The following TM2D1 variants were observed in gnomAD, a reference collection of about 807,000 sequenced individuals.
TM2D1 encodes TM2 domain containing 1.
In TM2D1, 15 loss-of-function variants were observed where a neutral mutation model predicts 28.4. The ratio of observed to expected loss-of-function variants is 0.53; its 90% CI spans 0.35 to 0.81. The LOEUF (loss-of-function observed/expected upper bound fraction) is 0.81, where lower values mean the gene tolerates loss of function less well. Among genes scored for constraint, TM2D1 ranks in the 40% least tolerant of loss-of-function variants. The pLI, the probability that TM2D1 is intolerant of heterozygous loss-of-function variation, is 0.01. For missense variants in TM2D1, 236 were observed against 254.9 expected (o/e 0.93, Z 0.50); for synonymous variants, 93 against 96.2 (o/e 0.97, Z 0.20).
chr1:61,700,480 C>G (rs981118610), intron 4 of TM2D1, among the ~76,000 whole-genome samples: 14 of 152,178 alleles, frequency 9.2e-5, no homozygotes, highest in African/African-American at 3.4e-4. Flanking sequence ...AGGCTCCCAC[C>G]CCAGCTCAAG....
At chr1:61,696,884 A>G (rs1644366961) in intron 4 of TM2D1, among the ~76,000 whole-genome samples, 1 of 152,048 alleles carries the variant, frequency 6.6e-6, no homozygotes, top group Admixed American at 6.6e-5. Flanking sequence ...TTGGCCTCCC[A>G]AAATGCTTCG....
At chr1:61,702,826 C>T (rs1362970664) in intron 3 of TM2D1, among the ~76,000 whole-genome samples, 1 of 151,438 alleles carries the variant, frequency 6.6e-6, no homozygotes, top group Admixed American at 6.6e-5. Flanking sequence ...AACAATGGGG[C>T]CAGCTGTGGT....
At chr1:61,724,848 G>A in intron 1 of TM2D1, 109 bp downstream of exon 1, 3 of 1,222,470 alleles carry the variant, frequency 2.5e-6, no homozygotes, top group Non-Finnish European at 3.3e-6. Flanking sequence ...CCACAGATCA[G>A]ATTATCGTTT....
intron 4 of TM2D1, chr1:61,698,727 T>C (rs1288684761): frequency 6.9e-6 from 1 of 145,152 alleles, no homozygotes; most frequent in South Asian, 2.2e-4. Context: ...GTAAGGTTAG[T>C]TGTAAAATGG....
intron 3 of TM2D1, among the ~76,000 whole-genome samples, chr1:61,706,954 G>A (rs1361530055): frequency 6.6e-6 from 1 of 151,170 alleles, no homozygotes; most frequent in Non-Finnish European, 1.5e-5. Context: ...TATCATAATT[G>A]ATATCAATAT....
chr1:61,706,095 A>C (rs1359841401), intron 3 of TM2D1, among the ~76,000 whole-genome samples: 1 of 152,178 alleles, frequency 6.6e-6, no homozygotes, highest in Non-Finnish European at 1.5e-5. Flanking sequence ...CATACCTAAT[A>C]TCTCGATAAA....
chr1:61,720,312 G>A (rs541565162), intron 2 of TM2D1, among the ~76,000 whole-genome samples: 2 of 152,048 alleles, frequency 1.3e-5, no homozygotes, highest in South Asian at 4.2e-4. Flanking sequence ...CGTGACCTCG[G>A]CTCACTGCAA....
At chr1:61,709,665 G>C (rs1644463728) in intron 2 of TM2D1, among the ~76,000 whole-genome samples, 1 of 152,070 alleles carries the variant, frequency 6.6e-6, no homozygotes, top group Non-Finnish European at 1.5e-5. Flanking sequence ...TTGCCACACT[G>C]GACTAGATGC....
intron 4 of TM2D1, among the ~76,000 whole-genome samples, chr1:61,700,644 T>C (rs1173847797): frequency 2.0e-5 from 3 of 152,204 alleles, no homozygotes; most frequent in African/African-American, 7.2e-5. Flanking sequence ...AAACATCCAG[T>C]GTGTGCCCAG....
At chr1:61,724,612 A>G (rs981976680) in intron 1 of TM2D1, among the ~76,000 whole-genome samples, 40 of 152,252 alleles carry the variant, frequency 2.6e-4, no homozygotes, top group African/African-American at 8.9e-4. Context: ...AGGGTAAGAG[A>G]CTATCCATCT....
chr1:61,699,685 G>C (rs1260972356), intron 4 of TM2D1: 1 of 152,158 alleles, frequency 6.6e-6, no homozygotes, highest in South Asian at 2.1e-4. Context: ...TCCCTTTTCT[G>C]TACTCTCACA....
chr1:61,686,491 T>C (rs1318261157), intron 5 of TM2D1, among the ~76,000 whole-genome samples: 1 of 148,304 alleles, frequency 6.7e-6, no homozygotes, highest in East Asian at 2.0e-4. Flanking sequence ...ACCCAGTATC[T>C]ACAAAAAAAA....
intron 2 of TM2D1, among the ~76,000 whole-genome samples, chr1:61,719,974 G>A (rs927786912): frequency 6.6e-6 from 1 of 152,132 alleles, no homozygotes; most frequent in African/African-American, 2.4e-5. Context: ...CTATGAAGAG[G>A]GCTTCTGCCA....
rs1173230912 is a variant in TM2D1 at position 61,716,450 on chromosome 1, ATT to A, written c.239-7015_239-7014del. 2.6e-4 allele frequency among the ~76,000 whole-genome samples: 38 copies of A among 145,424 alleles called. 1 individual carries two copies. In the East Asian group the frequency reaches 6.7e-3, roughly 26 times the overall value. On this transcript the variant is annotated intron_variant, in intron 2 of 6. Coordinates refer to ENST00000606498, the MANE Select transcript of TM2D1 (RefSeq NM_032027.3). ...ATATATAAGTGTATAATTATATATAATTTTATATACATATATAATTATATATA... is the reference window on the plus strand; with the variant it reads ...ATATATAAGTGTATAATTATATATAATTATATACATATATAATTATATATA...
At position 61,721,466 on chromosome 1, in the gene TM2D1, C is replaced by T. The variant is rs535129859; in HGVS notation, c.238+2247G>A. ...CTGAGGCAGGAGAATCACTTGAATC[C>T]GGGAGGCAGAGGTTGCAATGAGCTG... On this transcript the variant is annotated intron_variant, in intron 2 of 6. Coordinates refer to ENST00000606498, the MANE Select transcript of TM2D1 (RefSeq NM_032027.3). 3.3e-5 allele frequency among the ~76,000 whole-genome samples: 5 copies of T among 150,244 alleles called. No homozygotes were observed. In the South Asian group the frequency reaches 6.3e-4, roughly 19 times the overall value.
At chr1:61,702,237 A>G (rs951937689) in intron 3 of TM2D1, among the ~76,000 whole-genome samples, 2 of 152,052 alleles carry the variant, frequency 1.3e-5, no homozygotes, top group African/African-American at 4.8e-5. Context: ...TCTGCTTAAG[A>G]AACTGGGTAG....
intron 4 of TM2D1, chr1:61,699,964 T>A (rs1644390328): frequency 3.8e-6 from 2 of 525,016 alleles, no homozygotes. Flanking sequence ...TCATCTTTTG[T>A]GGGTAGCAAC....
chr1:61,702,395 A>C (rs1644408536), intron 3 of TM2D1, among the ~76,000 whole-genome samples: 1 of 150,614 alleles, frequency 6.6e-6, no homozygotes, highest in Non-Finnish European at 1.5e-5. Flanking sequence ...TTGAGATGGA[A>C]TCTCACTCTG....
intron 5 of TM2D1, among the ~76,000 whole-genome samples, chr1:61,692,368 C>T (rs960567835): frequency 2.0e-5 from 3 of 151,414 alleles, no homozygotes; most frequent in Admixed American, 6.6e-5. Context: ...ATGCCCGATA[C>T]GTTTATGGGA....
Sources: allele counts gnomAD v4.1 joint callset (sites outside exome capture counted in the v4.1 genomes callset), GRCh38; gene constraint gnomAD v4.1.1; transcripts MANE v1.5; gene names NCBI Gene and HGNC (gene_info 2026-07-23, HGNC 2026-07-21).